MCF2L2: variants seen among roughly 807,000 people sequenced by gnomAD.
MCF2L2 encodes the protein MCF.2 cell line derived transforming sequence-like 2.
A neutral mutation model predicts 150.2 loss-of-function variants in MCF2L2; 102 were observed. That is an observed-to-expected ratio of 0.68 (90% CI 0.58 to 0.80). MCF2L2 has a LOEUF of 0.80. Ranked by LOEUF, MCF2L2 falls within the 30% of genes least tolerant of loss-of-function variation. The pLI, the probability that MCF2L2 is intolerant of heterozygous loss-of-function variation, is 0.00. For missense variants in MCF2L2, 1,256 were observed against 1,372.8 expected (o/e 0.91, Z 1.34); for synonymous variants, 465 against 491.3 (o/e 0.95, Z 0.71).
intron 2 of MCF2L2, among the ~76,000 whole-genome samples, chr3:183,384,933 A>C (rs1038865984): frequency 2.0e-5 from 3 of 152,184 alleles, no homozygotes; most frequent in Non-Finnish European, 2.9e-5. Flanking sequence ...TGTTATAAAA[A>C]GGAGATATTC....
chr3:183,276,876 G>T lies in MCF2L2; in HGVS notation c.1858C>A (p.Arg620Ser). The change falls in exon 15 of 30, where the codon CGC (arginine) becomes AGC (serine). Residue 620 changes from arginine (R) to serine (S), a missense_variant. Physicochemically the swap from Arg to Ser is moderately radical, Grantham distance 110. Coordinates refer to ENST00000328913, the MANE Select transcript of MCF2L2 (RefSeq NM_015078.4). ...CCCACGGATGTGCAGTCTTACCTGC[G>T]GGGGGAAAGGTCTCCGAGCCTGGCC... ...QQARLGDLSP[R>S]RRIIRDLLET... 3.1e-6 allele frequency: 5 copies of T among 1,606,108 alleles called. No individual in the cohort carries two copies. The highest frequency in any genetic ancestry group is 3.4e-6 in the Non-Finnish European group (4 of 1,175,508).
intron 18 of MCF2L2, 117 bp from the exon 19 acceptor site, chr3:183,224,307 G>C: frequency 1.5e-6 from 1 of 674,050 alleles, no homozygotes; most frequent in South Asian, 1.7e-5. Flanking sequence ...GTAAGGAATT[G>C]GGGGTGTACA....
chr3:183,215,830 G>A (rs561790816), intron 22 of MCF2L2, 139 bp downstream of exon 22: 4 of 998,448 alleles, frequency 4.0e-6, no homozygotes, highest in African/African-American at 3.3e-5. Context: ...CGGGTTTACT[G>A]AGCAATTTAG....
rs1294961136 is a variant in MCF2L2, at chr3:183,297,008, C to A, written c.1465G>T (p.Glu489Ter). 1 of 1,613,932 alleles carries A rather than the reference C, an allele frequency of 6.2e-7. No individual in the cohort carries two copies. The highest frequency in any genetic ancestry group is 1.7e-5 in the Admixed American group (1 of 59,994). Reference protein sequence around the residue: ...PLLSPKEFYNEFELLLTLDAK... With the variant: ...PLLSPKEFYN ...TCGAGGGTGAGCAGCAACTCAAACT[C>A]GTTGTAAAACTCCTTGGGGCTGAGC... The change falls in exon 12 of 30, where the codon GAG becomes TAG. Residue 489 changes from glutamate to a stop codon, truncating the protein, a stop_gained. Transcript: ENST00000328913. LOFTEE classifies it high-confidence loss of function.
intron 5 of MCF2L2, among the ~76,000 whole-genome samples, chr3:183,331,872 AAAAC>A (rs1367546601): frequency 3.8e-4 from 58 of 152,330 alleles, no homozygotes; most frequent in African/African-American, 1.3e-3. Flanking sequence ...AAACAAAACA[AAAAC>A]AAACAAAAAC....
At chr3:183,415,965 AC>A (rs1457291757) in intron 1 of MCF2L2, among the ~76,000 whole-genome samples, 4 of 151,984 alleles carry the variant, frequency 2.6e-5, no homozygotes, top group African/African-American at 9.7e-5. Context: ...GCTTTCTTTT[AC>A]ATTAATAAAA....
intron 5 of MCF2L2, among the ~76,000 whole-genome samples, chr3:183,325,142 A>C (rs986548679): frequency 6.7e-6 from 1 of 148,768 alleles, no homozygotes; most frequent in African/African-American, 2.5e-5. Flanking sequence ...GGGGAGGGAT[A>C]GCATTAGGAG....
chr3:183,256,416 A>G (rs1379465584), intron 15 of MCF2L2, among the ~76,000 whole-genome samples: 1 of 152,200 alleles, frequency 6.6e-6, no homozygotes, highest in Non-Finnish European at 1.5e-5. Context: ...TTTAAAGGAT[A>G]AGAAACTTGA....
intron 5 of MCF2L2, 62 bp downstream of exon 5, chr3:183,338,738 C>T: frequency 2.0e-6 from 3 of 1,515,868 alleles, no homozygotes; most frequent in Non-Finnish European, 1.8e-6. Flanking sequence ...AGAAACCCTG[C>T]CCAAATGCCA....
chr3:183,334,805 A>AT (rs1196726001), intron 5 of MCF2L2, among the ~76,000 whole-genome samples: 2 of 148,066 alleles, frequency 1.4e-5, no homozygotes, highest in Admixed American at 1.3e-4. Context: ...AAAAAAAAAA[A>AT]AAAAAAGACA....
intron 14 of MCF2L2, among the ~76,000 whole-genome samples, chr3:183,280,313 T>TA (rs1256810905): frequency 1.3e-5 from 2 of 152,172 alleles, no homozygotes; most frequent in African/African-American, 2.4e-5. Context: ...AGGAATTTTG[T>TA]AAAAAAATTA....
chr3:183,221,607 T>C (rs1232034744), intron 20 of MCF2L2, among the ~76,000 whole-genome samples: 1 of 152,170 alleles, frequency 6.6e-6, no homozygotes, highest in African/African-American at 2.4e-5. Context: ...GGAAGGACCA[T>C]CACTTTCGTC....
intron 25 of MCF2L2, among the ~76,000 whole-genome samples, chr3:183,202,728 G>C (rs1258528270): frequency 6.6e-6 from 1 of 152,186 alleles, no homozygotes; most frequent in Non-Finnish European, 1.5e-5. Flanking sequence ...AATTAGTTTA[G>C]AAAAGTCACT....
At chr3:183,409,891 T>C (rs578115881) in intron 1 of MCF2L2, among the ~76,000 whole-genome samples, 21 of 126,788 alleles carry the variant, frequency 1.7e-4, no homozygotes, top group African/African-American at 6.5e-4. Flanking sequence ...CCATATCCTC[T>C]AGCCTTTCCC....
chr3:183,382,474 G>A (rs932032868), intron 2 of MCF2L2, among the ~76,000 whole-genome samples: 1 of 152,182 alleles, frequency 6.6e-6, no homozygotes, highest in African/African-American at 2.4e-5. Flanking sequence ...AGGCCCTAAG[G>A]TTAACTGTGC....
intron 6 of MCF2L2, among the ~76,000 whole-genome samples, chr3:183,320,623 A>G (rs2108518225): frequency 6.6e-6 from 1 of 152,292 alleles, no homozygotes; most frequent in South Asian, 2.1e-4. Context: ...GCTTAAGGAA[A>G]TGTTGTGGGT....
At position 183,262,069 on chromosome 3, in the gene MCF2L2, TTA is replaced by T. The variant is rs377071477; in HGVS notation, c.1862+14801_1862+14802del. Among the ~76,000 whole-genome samples, 28 of 147,238 alleles carry T rather than the reference TTA, an allele frequency of 1.9e-4. No homozygotes were observed. The East Asian group carries it at 2.0e-3, about 10-fold the overall frequency. Reference sequence around the variant, plus strand: ...TAAAGGAATGAGGAATGCATATATATTATATATATATATACCAAATTAAAGTA... The same window carrying T: ...TAAAGGAATGAGGAATGCATATATATTATATATATATACCAAATTAAAGTA... On this transcript the variant is annotated intron_variant, in intron 15 of 29. Coordinates refer to ENST00000328913, the MANE Select transcript of MCF2L2 (RefSeq NM_015078.4).
chr3:183,322,686 G>A (rs1010038902), intron 6 of MCF2L2, among the ~76,000 whole-genome samples: 1 of 152,074 alleles, frequency 6.6e-6, no homozygotes, highest in Admixed American at 6.5e-5. Flanking sequence ...TTTGTTACAT[G>A]GGTATATTGC....
chr3:183,286,945 C>G (rs1214011928), intron 14 of MCF2L2, among the ~76,000 whole-genome samples: 1 of 152,216 alleles, frequency 6.6e-6, no homozygotes, highest in African/African-American at 2.4e-5. Context: ...GCTTGTTTAA[C>G]AGTACCCATA....
Sources: gnomAD v4.1 joint callset for allele counts (sites outside exome capture counted in the v4.1 genomes callset) on GRCh38, gnomAD v4.1.1 for gene constraint, MANE v1.5 for transcripts, NCBI Gene and HGNC (gene_info 2026-07-23, HGNC 2026-07-21) for gene names.